The following FGGY variants were observed in gnomAD, a reference collection of about 807,000 sequenced individuals.
FGGY encodes FGGY carbohydrate kinase domain-containing protein.
FGGY carries 72 observed loss-of-function variants against 71.3 expected under a neutral mutation model. The ratio of observed to expected loss-of-function variants is 1.01; its 90% CI spans 0.84 to 1.23. The LOEUF (loss-of-function observed/expected upper bound fraction) is 1.23. Among genes scored for constraint, FGGY ranks in the 50% most tolerant of loss-of-function variants. FGGY has a pLI of 0.00. For missense variants in FGGY, 668 were observed against 682.3 expected (o/e 0.98, Z 0.23); for synonymous variants, 251 against 250.3 (o/e 1.00, Z -0.02).
At chr1:59,568,419 G>T (rs1460204939) in intron 8 of FGGY, among the ~76,000 whole-genome samples, 8 of 119,084 alleles carry the variant, frequency 6.7e-5, no homozygotes, top group Non-Finnish European at 9.6e-5. Flanking sequence ...ATATACTGAG[G>T]ATTTACTATG....
At chr1:59,431,005 G>A (rs1397585959) in intron 5 of FGGY, among the ~76,000 whole-genome samples, 2 of 152,138 alleles carry the variant, frequency 1.3e-5, no homozygotes, top group East Asian at 3.9e-4. Context: ...TTGATGGCAT[G>A]CCTTCCATAT....
chr1:59,611,967 C>T (rs191297863), intron 9 of FGGY, among the ~76,000 whole-genome samples: 48 of 152,176 alleles, frequency 3.2e-4, no homozygotes, highest in East Asian at 1.2e-3. Flanking sequence ...TAAAAAGAGA[C>T]GAACAAAGCC....
chr1:59,694,473 G>A (rs1484388194), intron 14 of FGGY, among the ~76,000 whole-genome samples: 4 of 151,754 alleles, frequency 2.6e-5, no homozygotes, highest in African/African-American at 9.7e-5. Flanking sequence ...TTTTTGTCAT[G>A]CCCAGTATGC....
chr1:59,377,157 C>A (rs768364822), intron 4 of FGGY, among the ~76,000 whole-genome samples: 10 of 152,074 alleles, frequency 6.6e-5, no homozygotes, highest in African/African-American at 9.7e-5. Flanking sequence ...AGGAGACAAT[C>A]ATCCAATGTC....
intron 11 of FGGY, among the ~76,000 whole-genome samples, chr1:59,659,672 A>G (rs2097256656): frequency 6.6e-6 from 1 of 152,178 alleles, no homozygotes; most frequent in Non-Finnish European, 1.5e-5. Context: ...CATACTCCAT[A>G]TAAACATCCG....
At chr1:59,385,183 G>A (rs1265225813) in intron 5 of FGGY, among the ~76,000 whole-genome samples, 1 of 151,674 alleles carries the variant, frequency 6.6e-6, no homozygotes, top group East Asian at 1.9e-4. Context: ...TCTCTTTCAG[G>A]TTTTGTTTTT....
At chr1:59,411,414 A>T (rs372063138) in intron 5 of FGGY, among the ~76,000 whole-genome samples, 1 of 152,340 alleles carries the variant, frequency 6.6e-6, no homozygotes, top group East Asian at 1.9e-4. Flanking sequence ...CTTCCAGTTT[A>T]TCCACTGTAA....
chr1:59,513,583 C>A (rs648883), intron 7 of FGGY, among the ~76,000 whole-genome samples: 39,067 of 152,054 alleles, frequency 0.26, 7,727 homozygotes, highest in African/African-American at 0.55. Context: ...TTTTTCAGCA[C>A]ACTATTTGAA....
At chr1:59,339,535 G>C (rs2050237647) in intron 2 of FGGY, among the ~76,000 whole-genome samples, 1 of 151,842 alleles carries the variant, frequency 6.6e-6, no homozygotes, top group Non-Finnish European at 1.5e-5. Flanking sequence ...CGTGATCTCG[G>C]CTCACTGTAA....
chr1:59,339,901 T>C lies in FGGY; in HGVS notation c.202-57T>C, dbSNP rs1348836880. 3.8e-6 allele frequency: 4 copies of C among 1,053,982 alleles called. No individual in the cohort carries two copies. In the East Asian group the frequency reaches 9.9e-5, roughly 26 times the overall value. The allele number at this position is 1,053,982 out of a possible 1,614,324, so 65.3% of individuals were successfully genotyped here. A position where few individuals can be genotyped will look rare whatever the true frequency, so the allele number is the denominator to read the frequency against. On this transcript the variant is annotated intron_variant, in intron 2 of 15. Transcript: ENST00000303721. ...TTCCTTCCTTCTAGTTGTAACTGTT[T>C]TCAATCTTTAAAGACCCTGGTGTTG...
chr1:59,364,304 G>A (rs1409155766), intron 4 of FGGY, among the ~76,000 whole-genome samples: 3 of 152,320 alleles, frequency 2.0e-5, no homozygotes, highest in South Asian at 2.1e-4. Flanking sequence ...CTTCTCCAAA[G>A]GACCTGCTAA....
intron 14 of FGGY, among the ~76,000 whole-genome samples, chr1:59,740,585 T>C (rs2098139253): frequency 6.6e-6 from 1 of 152,260 alleles, no homozygotes; most frequent in Non-Finnish European, 1.5e-5. Context: ...AATTAGGGCT[T>C]TCTATTGATT....
chr1:59,650,619 C>A (rs1438073724), intron 11 of FGGY, among the ~76,000 whole-genome samples: 1 of 105,694 alleles, frequency 9.5e-6, no homozygotes, highest in Non-Finnish European at 1.8e-5. Context: ...TTTTTTATTG[C>A]GTCTATTTGA....
chr1:59,594,080 C>T (rs983253180), intron 8 of FGGY, among the ~76,000 whole-genome samples: 90 of 152,150 alleles, frequency 5.9e-4, no homozygotes, highest in Non-Finnish European at 1.8e-4. Context: ...TGTCTCTTTA[C>T]CTTCAACCCA....
intron 7 of FGGY, among the ~76,000 whole-genome samples, chr1:59,526,626 T>G (rs2153657343): frequency 6.6e-6 from 1 of 152,302 alleles, no homozygotes; most frequent in Middle Eastern, 3.4e-3. Flanking sequence ...TCCTAGAAAG[T>G]GAAAACTTGG....
intron 14 of FGGY, among the ~76,000 whole-genome samples, chr1:59,746,856 T>G (rs2098202593): frequency 6.6e-6 from 1 of 152,190 alleles, no homozygotes; most frequent in African/African-American, 2.4e-5. Context: ...AACTAGGGTT[T>G]GGATTATGAT....
intron 14 of FGGY, among the ~76,000 whole-genome samples, chr1:59,744,758 A>C (rs1044802171): frequency 2.0e-5 from 3 of 152,210 alleles, no homozygotes; most frequent in Non-Finnish European, 4.4e-5. Context: ...TTCTTTCAAC[A>C]TGTATTTATT....
At chr1:59,719,537 GTTA>G (rs1390591212) in intron 14 of FGGY, among the ~76,000 whole-genome samples, 1 of 152,160 alleles carries the variant, frequency 6.6e-6, no homozygotes, top group Non-Finnish European at 1.5e-5. Flanking sequence ...ATAAATGATA[GTTA>G]TTATCAGCAT....
At chr1:59,653,474 G>C (rs139841291) in intron 11 of FGGY, among the ~76,000 whole-genome samples, 2 of 152,030 alleles carry the variant, frequency 1.3e-5, no homozygotes, top group South Asian at 2.1e-4. Context: ...TTTTTAAGCC[G>C]GTCTGAAAAG....
Sources: allele counts gnomAD v4.1 joint callset (sites outside exome capture counted in the v4.1 genomes callset), GRCh38; gene constraint gnomAD v4.1.1; transcripts MANE v1.5; gene names NCBI Gene and HGNC (gene_info 2026-07-23, HGNC 2026-07-21).